The following RAG1 variants were observed in gnomAD, a reference collection of about 807,000 sequenced individuals.
The protein encoded by RAG1 is V(D)J recombination-activating protein 1.
A neutral mutation model predicts 62.7 loss-of-function variants in RAG1; 35 were observed. The ratio of observed to expected loss-of-function variants is 0.56; its 90% CI spans 0.43 to 0.74. The LOEUF is 0.74. RAG1 is among the 30% of genes least tolerant of loss of function. The pLI, the probability that RAG1 is intolerant of heterozygous loss-of-function variation, is 0.00. For missense variants in RAG1, 1,169 were observed against 1,278.6 expected (o/e 0.91, Z 1.31); for synonymous variants, 461 against 470.3 (o/e 0.98, Z 0.26).
chr11:36,557,368 G>A (rs1290035239), intron 3 of RAG1, among the ~76,000 whole-genome samples: 2 of 124,126 alleles, frequency 1.6e-5, no homozygotes, highest in African/African-American at 3.6e-5. Flanking sequence ...GGAGTGACCC[G>A]ATTTTCCAGG....
intron 2 of RAG1, among the ~76,000 whole-genome samples, chr11:36,524,584 G>C (rs979585941): frequency 1.3e-5 from 2 of 150,042 alleles, no homozygotes; most frequent in Non-Finnish European, 3.0e-5. Flanking sequence ...ACCTTCCCTC[G>C]CTCAGGTGAT....
chr11:36,569,949 G>A (rs969109262), intron 1 of RAG1, among the ~76,000 whole-genome samples: 7 of 152,104 alleles, frequency 4.6e-5, no homozygotes, highest in African/African-American at 1.7e-4. Flanking sequence ...TGTCACTGAT[G>A]CATACAGAAA....
At chr11:36,551,399 T>C (rs1850479563) in intron 3 of RAG1, among the ~76,000 whole-genome samples, 1 of 152,046 alleles carries the variant, frequency 6.6e-6, no homozygotes, top group Non-Finnish European at 1.5e-5. Context: ...CTCACAATTT[T>C]GGAGGCTAGA....
chr11:36,558,752 A>C lies in RAG1; in HGVS notation c.-411-4633A>C, dbSNP rs557199330. Among the ~76,000 whole-genome samples the C allele has an allele frequency of 1.2e-3, 177 of 152,258 alleles. 1 individual carries two copies. Among genetic ancestry groups the C allele is most frequent in the African/African-American group, 4.2e-3 (173 of 41,546 alleles). On this transcript the variant is annotated intron_variant and NMD_transcript_variant, in intron 3 of 9. Coordinates refer to the RAG1 transcript ENST00000534663. ...TCTATCTCTCTTAATTGAGGAACTTAATTCATTCACTTTCAATGTTATTAT... is the reference window on the plus strand; with the variant it reads ...TCTATCTCTCTTAATTGAGGAACTTCATTCATTCACTTTCAATGTTATTAT...
Position 36,576,543 on chromosome 11 carries a change from C to T in RAG1, c.*107C>T. On this transcript the variant is annotated 3_prime_UTR_variant, in exon 2 of 2. Coordinates refer to ENST00000299440, the MANE Select transcript of RAG1 (RefSeq NM_000448.3). ...CTGCTGTGTATGGGGCTTCACCATC[C>T]AAGAGGTGGTAGGTTGGAGTAAGAT... 7.4e-7 allele frequency: 1 copy of T among 1,353,468 alleles called. No homozygotes were observed. Among genetic ancestry groups the T allele is most frequent in the Non-Finnish European group, 1.1e-6 (1 of 951,676 alleles). 83.8% of individuals were successfully genotyped at this position (1,353,468 alleles called of 1,614,324 possible).
rs567103151 is a variant in RAG1 at position 36,520,465 on chromosome 11, AC to A, written n.428+237del. The stretch of plus-strand genomic sequence containing the variant: ...TTGTATTTTTGTATTTTTGGAAGAG[AC>A]GGGGTTTCCCCATGTTGGCCAGCTG... On this transcript the variant is annotated intron_variant and non_coding_transcript_variant, in intron 2 of 2. Transcript: ENST00000529126. Among the ~76,000 whole-genome samples the A allele has an allele frequency of 9.7e-4, 147 of 152,104 alleles. 2 individuals are homozygous for A. The highest frequency in any genetic ancestry group is 3.1e-3 in the African/African-American group (129 of 41,484).
intron 3 of RAG1, among the ~76,000 whole-genome samples, chr11:36,559,407 A>G (rs1343533227): frequency 6.6e-6 from 1 of 152,184 alleles, no homozygotes; most frequent in African/African-American, 2.4e-5. Context: ...ATATGTGTAC[A>G]TATTTCCTAA....
In RAG1 at chr11:36,575,424, G is replaced by T; in HGVS notation, c.2120G>T (p.Gly707Val). Reference sequence around the variant, plus strand: ...CGGACTTTCAAGTTCATCTTCAGGGGCACCGGCTATGATGAAAAACTTGTG... The same window carrying T: ...CGGACTTTCAAGTTCATCTTCAGGGTCACCGGCTATGATGAAAAACTTGTG... ...ILRTFKFIFR[G>V]TGYDEKLVRE... The change falls in exon 2 of 2, where the codon GGC becomes GTC. Residue 707 changes from glycine to valine, a missense_variant. This residue lies in a region of RAG1 where 800 missense variants were observed against 943.3 expected (regional missense o/e 0.85). Coordinates refer to ENST00000299440, the MANE Select transcript of RAG1 (RefSeq NM_000448.3). The surrounding 1 kb of genome is among the most constrained non-coding windows in gnomAD (Gnocchi z 4.1). The T allele has an allele frequency of 6.2e-7, 1 of 1,614,088 alleles. No homozygotes were observed. The highest frequency in any genetic ancestry group is 8.5e-7 in the Non-Finnish European group (1 of 1,179,970).
rs184503790 is a variant in RAG1, at chr11:36,569,924, G to A, written c.-15+1802G>A. 1.2e-4 allele frequency among the ~76,000 whole-genome samples: 19 copies of A among 152,210 alleles called. No homozygotes were observed. In the East Asian group the frequency reaches 3.5e-3, roughly 28 times the overall value. ...GTCATTCTATTCTCTGCTTTTTCAT[G>A]TGAGCATCTTTCCATGTCACTGATG... is the stretch of plus-strand genomic sequence containing the variant. On this transcript the variant is annotated intron_variant, in intron 1 of 1. Transcript: ENST00000299440.
Position 36,575,017 on chromosome 11 carries a change from G to A in RAG1, c.1713G>A (p.Met571Ile), listed in dbSNP as rs781460951. The stretch of plus-strand genomic sequence containing the variant: ...ATTCAGCTTTGGTGTCTGCTTTGAT[G>A]GACATGGAAGAAGACATCTTGGAAG... ...RYDSALVSAL[M>I]DMEEDILEGM... is the part of the protein sequence containing the mutation. Residue 571 changes from methionine (M) to isoleucine (I), a missense_variant, in exon 2 of 2, where the codon ATG becomes ATA. This residue lies in a region of RAG1 where 800 missense variants were observed against 943.3 expected (regional missense o/e 0.85). Coordinates refer to ENST00000299440, the MANE Select transcript of RAG1 (RefSeq NM_000448.3). The surrounding 1 kb of genome is among the most constrained non-coding windows in gnomAD (Gnocchi z 4.1). 4 of 1,614,102 alleles carry A rather than the reference G, an allele frequency of 2.5e-6. No homozygotes were observed. In the South Asian group the frequency reaches 3.3e-5, roughly 13 times the overall value.
intron 1 of RAG1, among the ~76,000 whole-genome samples, chr11:36,512,274 C>T (rs530918227): frequency 2.0e-5 from 3 of 152,194 alleles, no homozygotes; most frequent in Non-Finnish European, 4.4e-5. Flanking sequence ...CTGTGTGCAA[C>T]CAAGGAGCAA....
At position 36,520,524 on chromosome 11, in the gene RAG1, G is replaced by A. The variant is rs151133198; in HGVS notation, n.428+295G>A. On this transcript the variant is annotated intron_variant and non_coding_transcript_variant, in intron 2 of 2. Transcript: ENST00000529126. ...ACTCCTGACCTCAGGTGTTCCACCC[G>A]CCTCGACCTCCCGAAGTGCTGGGAT... Among the ~76,000 whole-genome samples, 11 of 152,222 alleles carry A rather than the reference G, an allele frequency of 7.2e-5. No homozygotes were observed. In the East Asian group the frequency reaches 1.4e-3, roughly 19 times the overall value.
Position 36,546,489 on chromosome 11 carries a change from T to G in RAG1, c.-412+10455T>G, listed in dbSNP as rs186126062. ...TGTGTGTCTTTGCACATGAGATGGG[T>G]CTCCTGAATATGCCACATCGATGGG... On this transcript the variant is annotated intron_variant and NMD_transcript_variant, in intron 3 of 9. Transcript: ENST00000534663. Among the ~76,000 whole-genome samples, 317 of 152,280 alleles carry G rather than the reference T, an allele frequency of 2.1e-3. 1 individual carries two copies. Among genetic ancestry groups the G allele is most frequent in the Admixed American group, 3.7e-3 (56 of 15,296 alleles).
At chr11:36,532,196 T>C (rs902216127) in intron 2 of RAG1, among the ~76,000 whole-genome samples, 1 of 152,040 alleles carries the variant, frequency 6.6e-6, no homozygotes, top group Non-Finnish European at 1.5e-5. Context: ...AAAAGAAAGA[T>C]ATGGAGAAAA....
chr11:36,550,359 C>T (rs893949323), intron 3 of RAG1, among the ~76,000 whole-genome samples: 2 of 152,008 alleles, frequency 1.3e-5, no homozygotes, highest in African/African-American at 4.8e-5. Context: ...CCAAATTTGA[C>T]CTACCCTAAG....
At chr11:36,520,370 G>A (rs1860059904) in intron 2 of RAG1, 2 of 152,230 alleles carry the variant, frequency 1.3e-5, no homozygotes, top group South Asian at 2.1e-4. Context: ...CTGGGTTCAA[G>A]TGATTCTCCC....
At chr11:36,547,167 G>C (rs1335018112) in intron 3 of RAG1, among the ~76,000 whole-genome samples, 1 of 152,028 alleles carries the variant, frequency 6.6e-6, no homozygotes, top group Non-Finnish European at 1.5e-5. Flanking sequence ...ATGCCCACAG[G>C]AGAAAGTGGG....
At chr11:36,540,401 T>TTTTA (rs922135469), downstream of RAG1, among the ~76,000 whole-genome samples, 11 of 152,120 alleles carry the variant, frequency 7.2e-5, no homozygotes, top group African/African-American at 9.7e-5. Context: ...CTTTTCTTTA[T>TTTTA]TTTATTTATT....
intron 1 of RAG1, among the ~76,000 whole-genome samples, chr11:36,514,062 C>T (rs1859962919): frequency 6.6e-6 from 1 of 152,126 alleles, no homozygotes; most frequent in Non-Finnish European, 1.5e-5. Flanking sequence ...AAAGCCCTGC[C>T]CTGTCCTGAG....
Sources: gnomAD v4.1 joint callset for allele counts (sites outside exome capture counted in the v4.1 genomes callset) on GRCh38, gnomAD v4.1.1 for gene constraint, gnomAD v4.1.1 regional missense constraint, Gnocchi (gnomAD v3.1) non-coding constraint, MANE v1.5 for transcripts, NCBI Gene and HGNC (gene_info 2026-07-23, HGNC 2026-07-21) for gene names.